Variants in PAX1 observed in about 807,000 individuals in gnomAD.
PAX1 encodes the protein paired box 1, also known as paired box protein Pax-1.
PAX1 carries 18 observed loss-of-function variants against 35.6 expected under a neutral mutation model. That is an observed-to-expected ratio of 0.50 (90% CI 0.35 to 0.75). The LOEUF (loss-of-function observed/expected upper bound fraction) is 0.75, where lower values mean the gene tolerates loss of function less well. Among genes scored for constraint, PAX1 ranks in the 30% least tolerant of loss-of-function variants. The pLI is 0.01. For synonymous variants in PAX1, 397 were observed against 305.2 expected (o/e 1.30, Z -3.14); for missense variants, 760 against 661.5 (o/e 1.15, Z -1.63).
rs1985409733 is a variant in PAX1 at position 21,717,443 on chromosome 20, C to T, written c.*2881C>T. On this transcript the variant is annotated 3_prime_UTR_variant, in exon 5 of 5. Coordinates refer to ENST00000613128, the MANE Select transcript of PAX1 (RefSeq NM_001257096.2). ...CTGCCACTGGTGTGGCCTCACCTCT[C>T]TGGAGACAATTTTGCTTATCTGTTA... The T allele has an allele frequency of 6.6e-6, 1 of 152,208 alleles. No homozygotes were observed. Among genetic ancestry groups the T allele is most frequent in the Admixed American group, 6.5e-5 (1 of 15,284 alleles). 9.4% of individuals were successfully genotyped at this position (152,208 alleles called of 1,614,324 possible).
chr20:21,706,672 C>G lies in PAX1; in HGVS notation c.521C>G (p.Thr174Ser), dbSNP rs772556134. ...GGGGGGAGCAAGCCCCGCGTCACCA[C>G]TCCCAACGTGGTCAAGCACATCCGG... ...AIGGSKPRVT[T>S]PNVVKHIRDY... Residue 174 changes from threonine to serine, a missense_variant, in exon 2 of 5, where the codon ACT becomes AGT. Physicochemically the swap from Thr to Ser is moderately conservative, Grantham distance 58. Coordinates refer to ENST00000613128, the MANE Select transcript of PAX1 (RefSeq NM_001257096.2). This position sits in a 1 kb window ranked among gnomAD's most constrained non-coding sequence, Gnocchi z 5.3. The G allele has an allele frequency of 6.2e-7, 1 of 1,612,934 alleles. No homozygotes were observed. The highest frequency in any genetic ancestry group is 8.5e-7 in the Non-Finnish European group (1 of 1,180,038).
At chr20:21,712,262 T>G (rs906679134) in intron 4 of PAX1, among the ~76,000 whole-genome samples, 1 of 152,144 alleles carries the variant, frequency 6.6e-6, no homozygotes, top group Non-Finnish European at 1.5e-5. Context: ...TATAATTCAT[T>G]TTTTTCTTAT....
Position 21,706,193 on chromosome 20 carries a change from T to A in PAX1, c.286+195T>A. 1.3e-6 allele frequency: 1 copy of A among 773,356 alleles called. No individual in the cohort carries two copies. Among genetic ancestry groups the A allele is most frequent in the South Asian group, 1.5e-5 (1 of 68,950 alleles). 47.9% of individuals were successfully genotyped at this position (773,356 alleles called of 1,614,324 possible). A position where few individuals can be genotyped will look rare whatever the true frequency, so the allele number is the denominator to read the frequency against. ...AAGGGAGTGTTCCAAGTAGACGCGC[T>A]AAAAGTCGCGAAAGGGCACGGAGGG... On this transcript the variant is annotated intron_variant, in intron 1 of 4. Transcript: ENST00000613128. The surrounding 1 kb of genome is among the most constrained non-coding windows in gnomAD (Gnocchi z 5.3).
At chr20:21,709,682 C>T (rs1985138880) in intron 4 of PAX1, among the ~76,000 whole-genome samples, 1 of 152,126 alleles carries the variant, frequency 6.6e-6, no homozygotes, top group African/African-American at 2.4e-5. Flanking sequence ...GTCCCCTCCA[C>T]TTATGATGGG....
rs1318739824 is a variant in PAX1 at position 21,717,084 on chromosome 20, A to C, written c.*2522A>C. 6.6e-6 allele frequency: 1 copy of C among 152,248 alleles called. No individual in the cohort carries two copies. The highest frequency in any genetic ancestry group is 1.5e-5 in the Non-Finnish European group (1 of 68,084). The allele number at this position is 152,248 out of a possible 1,614,324, so 9.4% of individuals were successfully genotyped here. A position where few individuals can be genotyped will look rare whatever the true frequency, so the allele number is the denominator to read the frequency against. ...GTGGATGCAAAGCACCTGTGTTTTA[A>C]GTGCCACCTGCAAAGGGAGGCATTT... On this transcript the variant is annotated 3_prime_UTR_variant, in exon 5 of 5. Transcript: ENST00000613128.
Position 21,715,029 on chromosome 20 carries a change from A to C in PAX1, c.*467A>C, listed in dbSNP as rs1600330394. The C allele has an allele frequency of 2.7e-5, 16 of 595,910 alleles. No homozygotes were observed. Among genetic ancestry groups the C allele is most frequent in the African/African-American group, 8.4e-5 (4 of 47,458 alleles). 36.9% of individuals were successfully genotyped at this position (595,910 alleles called of 1,614,324 possible). On this transcript the variant is annotated 3_prime_UTR_variant, in exon 5 of 5. Transcript: ENST00000613128. ...CTTCCAGGGCTCCCTCTGCCCTTCCACTCTCTTTTCCTTGCTCCGACCTCT... is the reference window on the plus strand; with the variant it reads ...CTTCCAGGGCTCCCTCTGCCCTTCCCCTCTCTTTTCCTTGCTCCGACCTCT...
In PAX1 at chr20:21,706,316, G is replaced by A. The variant is rs1297704828; in HGVS notation, c.287-122G>A. The A allele has an allele frequency of 2.3e-6, 3 of 1,326,566 alleles. No homozygotes were observed. Among genetic ancestry groups the A allele is most frequent in the Non-Finnish European group, 3.2e-6 (3 of 934,164 alleles). The allele number at this position is 1,326,566 out of a possible 1,614,324, so 82.2% of individuals were successfully genotyped here. On this transcript the variant is annotated intron_variant, in intron 1 of 4. Coordinates refer to ENST00000613128, the MANE Select transcript of PAX1 (RefSeq NM_001257096.2). This position sits in a 1 kb window ranked among gnomAD's most constrained non-coding sequence, Gnocchi z 5.3. ...GCCCTTGGACTCCGAGCTGTCTGGGGACCCACAGGTCACCTTTGGAAGTGC... is the reference window on the plus strand; with the variant it reads ...GCCCTTGGACTCCGAGCTGTCTGGGAACCCACAGGTCACCTTTGGAAGTGC...
chr20:21,706,409 C>G lies in PAX1; in HGVS notation c.287-29C>G. ...ACCCGCCGGGTGTTTTCTCCCCCTC[C>G]GGCTCACTCTTGTCTGGCGCATCCG... On this transcript the variant is annotated intron_variant, in intron 1 of 4. Transcript: ENST00000613128. The surrounding 1 kb of genome is among the most constrained non-coding windows in gnomAD (Gnocchi z 5.3). 1.2e-6 allele frequency: 2 copies of G among 1,609,810 alleles called. No individual in the cohort carries two copies. Among genetic ancestry groups the G allele is most frequent in the Non-Finnish European group, 8.5e-7 (1 of 1,179,936 alleles).
intron 4 of PAX1, among the ~76,000 whole-genome samples, chr20:21,710,531 C>A (rs1469812953): frequency 2.0e-5 from 3 of 152,190 alleles, no homozygotes; most frequent in African/African-American, 7.2e-5. Flanking sequence ...TTACTAGCTG[C>A]TTTGCCTCCA....
At position 21,709,427 on chromosome 20, in the gene PAX1, A is replaced by G; in HGVS notation, c.1265A>G (p.Lys422Arg). 1 of 1,534,252 alleles carries G rather than the reference A, an allele frequency of 6.5e-7. No individual in the cohort carries two copies. The highest frequency in any genetic ancestry group is 1.2e-5 in the South Asian group (1 of 83,098). ...GGELAAAMTF[K>R]HPSREVADRK... ...GAACTCGCGGCAGCAATGACCTTCA[A>G]GCATCCCAGCCGAGAAGGTGAGGAG... Residue 422 changes from lysine (K) to arginine (R), a missense_variant, in exon 4 of 5, where the codon AAG (lysine) becomes AGG (arginine). By Grantham distance (26) the Lys-to-Arg change is conservative. Coordinates refer to ENST00000613128, the MANE Select transcript of PAX1 (RefSeq NM_001257096.2).
At chr20:21,707,407 C>T (rs1408422156) in intron 2 of PAX1, among the ~76,000 whole-genome samples, 1 of 152,114 alleles carries the variant, frequency 6.6e-6, no homozygotes, top group Non-Finnish European at 1.5e-5. Context: ...ATTTTGAGAC[C>T]CTTTCTTTAG....
chr20:21,714,822 C>T lies in PAX1; in HGVS notation c.*260C>T. 1 of 1,590,546 alleles carries T rather than the reference C, an allele frequency of 6.3e-7. No individual in the cohort carries two copies. On this transcript the variant is annotated 3_prime_UTR_variant, in exon 5 of 5. Coordinates refer to ENST00000613128, the MANE Select transcript of PAX1 (RefSeq NM_001257096.2). ...GTTTTAGACTGCCGTACCCTCCTCACAATCCTTGCTCTGACGTGGCCTCCT... is the reference window on the plus strand; with the variant it reads ...GTTTTAGACTGCCGTACCCTCCTCATAATCCTTGCTCTGACGTGGCCTCCT...
At chr20:21,708,295 G>T (rs1216935163) in intron 2 of PAX1, 2 of 596,738 alleles carry the variant, frequency 3.4e-6, no homozygotes, top group South Asian at 3.8e-5. Flanking sequence ...GTCTGCCCAG[G>T]CTTTGACTCA....
Position 21,706,638 on chromosome 20 carries a change from G to T in PAX1, c.487G>T (p.Gly163Trp), listed in dbSNP as rs1418673542. The change falls in exon 2 of 5, where the codon GGG (glycine) becomes TGG (tryptophan). Residue 163 changes from glycine to tryptophan, a missense_variant. Transcript: ENST00000613128. The surrounding 1 kb of genome is among the most constrained non-coding windows in gnomAD (Gnocchi z 5.3). ...CAACGAGACCGGCTCCATTCTGCCC[G>T]GGGCCATCGGGGGGAGCAAGCCCCG... is the stretch of plus-strand genomic sequence containing the variant. Reference protein sequence around the residue: ...RYNETGSILPGAIGGSKPRVT... With the variant: ...RYNETGSILPWAIGGSKPRVT... 6.2e-7 allele frequency: 1 copy of T among 1,611,876 alleles called. No homozygotes were observed. Among genetic ancestry groups the T allele is most frequent in the African/African-American group, 1.3e-5 (1 of 74,940 alleles).
Position 21,709,267 on chromosome 20 carries a change from G to A in PAX1, c.1105G>A (p.Ala369Thr), listed in dbSNP as rs1985115713. The change falls in exon 4 of 5, where the codon GCC becomes ACC. Residue 369 changes from alanine (A) to threonine (T), a missense_variant. Coordinates refer to ENST00000613128, the MANE Select transcript of PAX1 (RefSeq NM_001257096.2). ...SAVGGFLPAC[A>T]YPASNQHGVY... ...CGTGGGCGGCTTTCTCCCCGCCTGC[G>A]CCTACCCGGCCTCCAACCAGCACGG... 2 of 1,605,930 alleles carry A rather than the reference G, an allele frequency of 1.2e-6. No individual in the cohort carries two copies. The highest frequency in any genetic ancestry group is 1.7e-6 in the Non-Finnish European group (2 of 1,179,704).
Position 21,715,143 on chromosome 20 carries a change from C to T in PAX1, c.*581C>T. 2.5e-6 allele frequency: 1 copy of T among 392,278 alleles called. No individual in the cohort carries two copies. Among genetic ancestry groups the T allele is most frequent in the South Asian group, 2.4e-5 (1 of 42,052 alleles). 24.3% of individuals were successfully genotyped at this position (392,278 alleles called of 1,614,324 possible). A position where few individuals can be genotyped will look rare whatever the true frequency, so the allele number is the denominator to read the frequency against. On this transcript the variant is annotated 3_prime_UTR_variant, in exon 5 of 5. Coordinates refer to ENST00000613128, the MANE Select transcript of PAX1 (RefSeq NM_001257096.2). ...TCCTGGTCCATCCCTGTCGTTCCTTCTCTCTCTGTCTCTGGTTCTACTGTC... is the reference window on the plus strand; with the variant it reads ...TCCTGGTCCATCCCTGTCGTTCCTTTTCTCTCTGTCTCTGGTTCTACTGTC...
chr20:21,709,283 A>C lies in PAX1; in HGVS notation c.1121A>C (p.Asn374Thr), dbSNP rs765202688. 2 of 1,605,128 alleles carry C rather than the reference A, an allele frequency of 1.2e-6. No individual in the cohort carries two copies. Among genetic ancestry groups the C allele is most frequent in the South Asian group, 2.2e-5 (2 of 91,052 alleles). The change falls in exon 4 of 5, where the codon AAC (asparagine) becomes ACC (threonine). Residue 374 changes from asparagine (N) to threonine (T), a missense_variant. Asn to Thr is a moderately conservative substitution (Grantham distance 65). Around this residue, in one of 3 missense-constraint regions of PAX1, gnomAD observed 490 missense variants for 428.4 expected, o/e 1.14. Transcript: ENST00000613128. ...FLPACAYPASNQHGVYSAPGG... is the reference protein window; with the variant it reads ...FLPACAYPASTQHGVYSAPGG... ...CCCGCCTGCGCCTACCCGGCCTCCA[A>C]CCAGCACGGCGTGTACAGCGCCCCG...
Position 21,706,209 on chromosome 20 carries a change from G to A in PAX1, c.286+211G>A. 1.3e-6 allele frequency: 1 copy of A among 773,060 alleles called. No individual in the cohort carries two copies. The highest frequency in any genetic ancestry group is 2.2e-6 in the Non-Finnish European group (1 of 449,882). The allele number at this position is 773,060 out of a possible 1,614,324, so 47.9% of individuals were successfully genotyped here. A position where few individuals can be genotyped will look rare whatever the true frequency, so the allele number is the denominator to read the frequency against. On this transcript the variant is annotated intron_variant, in intron 1 of 4. Transcript: ENST00000613128. The surrounding 1 kb of genome is among the most constrained non-coding windows in gnomAD (Gnocchi z 5.3). ...TAGACGCGCTAAAAGTCGCGAAAGGGCACGGAGGGCTACAATGCGCCGCGC... is the reference window on the plus strand; with the variant it reads ...TAGACGCGCTAAAAGTCGCGAAAGGACACGGAGGGCTACAATGCGCCGCGC...
chr20:21,715,042 T>C lies in PAX1; in HGVS notation c.*480T>C, dbSNP rs1470345013. On this transcript the variant is annotated 3_prime_UTR_variant, in exon 5 of 5. Transcript: ENST00000613128. The stretch of plus-strand genomic sequence containing the variant: ...CTCTGCCCTTCCACTCTCTTTTCCT[T>C]GCTCCGACCTCTGCTCCAGTCCCGC... 3.3e-6 allele frequency: 2 copies of C among 602,940 alleles called. No homozygotes were observed. Among genetic ancestry groups the C allele is most frequent in the African/African-American group, 3.7e-5 (2 of 53,980 alleles). The allele number at this position is 602,940 out of a possible 1,614,324, so 37.3% of individuals were successfully genotyped here. A position where few individuals can be genotyped will look rare whatever the true frequency, so the allele number is the denominator to read the frequency against.
Sources: gnomAD v4.1 joint callset for allele counts (sites outside exome capture counted in the v4.1 genomes callset) on GRCh38, gnomAD v4.1.1 for gene constraint, gnomAD v4.1.1 regional missense constraint, Gnocchi (gnomAD v3.1) non-coding constraint, MANE v1.5 for transcripts, NCBI Gene and HGNC (gene_info 2026-07-23, HGNC 2026-07-21) for gene names.